CPNE3: variants seen among roughly 807,000 people sequenced by gnomAD.
CPNE3 encodes copine 3, also known as copine-3.
Under a neutral mutation model 63.9 loss-of-function variants are expected in CPNE3, and 68 were observed. The ratio of observed to expected loss-of-function variants is 1.06; its 90% CI spans 0.87 to 1.30. The LOEUF is 1.30. CPNE3 is among the 50% of genes most tolerant of loss of function. The pLI is 0.00. For missense variants in CPNE3, 665 were observed against 578.1 expected, an observed-to-expected ratio of 1.15 and a Z score of -1.54; for synonymous variants, 219 against 197.5, an observed-to-expected ratio of 1.11 and a Z score of -0.91.
At position 86,558,465 on chromosome 8, in the gene CPNE3, A is replaced by G. The variant is rs1212131322; in HGVS notation, c.*55A>G. On this transcript the variant is annotated 3_prime_UTR_variant, in exon 17 of 17. Transcript: ENST00000517490. ...TGGAGCAATGCCATCTCTCACCCCA[A>G]ATCGTGTATCTGTCATTCTACGTAC... 1.2e-6 allele frequency: 1 copy of G among 868,870 alleles called. No homozygotes were observed. Among genetic ancestry groups the G allele is most frequent in the African/African-American group, 1.6e-5 (1 of 61,220 alleles). The allele number at this position is 868,870 out of a possible 1,614,324, so 53.8% of individuals were successfully genotyped here.
intron 6 of CPNE3, among the ~76,000 whole-genome samples, chr8:86,537,157 C>T (rs772553630): frequency 2.6e-5 from 4 of 152,148 alleles, no homozygotes; most frequent in Non-Finnish European, 5.9e-5. Flanking sequence ...TCCATTTTCT[C>T]ACTGATAACT....
At chr8:86,518,828 AG>A (rs1286911298) in intron 2 of CPNE3, among the ~76,000 whole-genome samples, 2 of 152,068 alleles carry the variant, frequency 1.3e-5, no homozygotes, top group African/African-American at 4.8e-5. Context: ...GTTGGAGTGC[AG>A]TGGCATGATC....
In CPNE3 at chr8:86,558,817, G is replaced by T; in HGVS notation, c.*407G>T. The stretch of plus-strand genomic sequence containing the variant: ...CTGATTCACAGTGTATGTTGTATAA[G>T]CCAATGTCCATACCTGATTATGAGA... On this transcript the variant is annotated 3_prime_UTR_variant, in exon 17 of 17. Coordinates refer to ENST00000517490, the MANE Select transcript of CPNE3 (RefSeq NM_003909.5). The T allele has an allele frequency of 4.8e-6, 1 of 207,016 alleles. No individual in the cohort carries two copies. The highest frequency in any genetic ancestry group is 1.0e-5 in the Non-Finnish European group (1 of 99,990). The allele number at this position is 207,016 out of a possible 1,614,324, so 12.8% of individuals were successfully genotyped here. A position where few individuals can be genotyped will look rare whatever the true frequency, so the allele number is the denominator to read the frequency against.
intron 2 of CPNE3, among the ~76,000 whole-genome samples, chr8:86,522,502 G>A (rs1820455571): frequency 6.9e-6 from 1 of 145,538 alleles, no homozygotes; most frequent in Non-Finnish European, 1.5e-5. Context: ...ACTCTGAGGA[G>A]CATAGCAGCC....
At chr8:86,534,309 G>T (rs552294552) in intron 6 of CPNE3, among the ~76,000 whole-genome samples, 1 of 152,120 alleles carries the variant, frequency 6.6e-6, no homozygotes, top group African/African-American at 2.4e-5. Context: ...ACACTGACTT[G>T]TGTGTTTTCG....
chr8:86,550,419 T>C (rs1159942713), intron 12 of CPNE3, among the ~76,000 whole-genome samples: 1 of 152,104 alleles, frequency 6.6e-6, no homozygotes, highest in Non-Finnish European at 1.5e-5. Context: ...AGTGCAAAAC[T>C]AACTGTTAAG....
chr8:86,517,787 G>A (rs1385773758), intron 2 of CPNE3, among the ~76,000 whole-genome samples: 2 of 152,138 alleles, frequency 1.3e-5, no homozygotes, highest in African/African-American at 4.8e-5. Context: ...TGGGGATGGT[G>A]GCCTGCTTTG....
At chr8:86,548,884 TA>T (rs1446790445) in intron 12 of CPNE3, among the ~76,000 whole-genome samples, 10 of 152,066 alleles carry the variant, frequency 6.6e-5, no homozygotes, top group Admixed American at 2.0e-4. Flanking sequence ...TGTTAAGAAA[TA>T]AAAACTATTT....
At chr8:86,544,607 A>T (rs970758091) in intron 8 of CPNE3, 133 bp from the exon 9 acceptor site, 34 of 339,354 alleles carry the variant, frequency 1.0e-4, no homozygotes, top group Non-Finnish European at 1.6e-4. Context: ...TGTCCCAAGT[A>T]GGGACTGCAT....
At chr8:86,518,165 G>A (rs1820355251) in intron 2 of CPNE3, among the ~76,000 whole-genome samples, 1 of 152,142 alleles carries the variant, frequency 6.6e-6, no homozygotes, top group South Asian at 2.1e-4. Context: ...TGCCCATCTT[G>A]CCCAATTAAA....
chr8:86,554,803 G>A (rs2304790), intron 14 of CPNE3, 48 bp from the exon 15 acceptor site: 1,120,623 of 1,600,550 alleles, frequency 0.7, 402,277 homozygotes, highest in Non-Finnish European at 0.74. Flanking sequence ...TAAACACATT[G>A]TGCTTGAGAA....
intron 4 of CPNE3, among the ~76,000 whole-genome samples, chr8:86,530,289 C>T (rs1326294361): frequency 6.6e-5 from 10 of 151,866 alleles, no homozygotes; most frequent in Non-Finnish European, 1.3e-4. Flanking sequence ...CCCACCTCAG[C>T]CTCCCAAGTA....
chr8:86,533,766 A>G (rs1006162005), intron 6 of CPNE3, among the ~76,000 whole-genome samples: 4 of 152,052 alleles, frequency 2.6e-5, no homozygotes, highest in African/African-American at 7.2e-5. Context: ...TCATCCATCA[A>G]TATGTTGATG....
intron 8 of CPNE3, among the ~76,000 whole-genome samples, chr8:86,542,313 A>G (rs1820958728): frequency 6.6e-6 from 1 of 152,198 alleles, no homozygotes; most frequent in Admixed American, 6.5e-5. Context: ...CAGAATCCTC[A>G]GTAGTTTCTT....
At chr8:86,552,350 T>G (rs946795146) in intron 14 of CPNE3, among the ~76,000 whole-genome samples, 1 of 152,196 alleles carries the variant, frequency 6.6e-6, no homozygotes, top group Admixed American at 6.5e-5. Flanking sequence ...GCACTTTCAG[T>G]GACTGGTTGT....
At chr8:86,533,412 ATGTGCC>A (rs1294879896) in intron 6 of CPNE3, among the ~76,000 whole-genome samples, 1 of 150,794 alleles carries the variant, frequency 6.6e-6, no homozygotes, top group Non-Finnish European at 1.5e-5. Context: ...GTGTGGTGGC[ATGTGCC>A]TGTAATCCCA....
chr8:86,522,004 G>C (rs1172828148), intron 2 of CPNE3, among the ~76,000 whole-genome samples: 1 of 152,076 alleles, frequency 6.6e-6, no homozygotes, highest in Non-Finnish European at 1.5e-5. Flanking sequence ...CAGTTGTATG[G>C]AATTATTAAC....
chr8:86,532,872 A>T (rs1457293552), intron 6 of CPNE3, among the ~76,000 whole-genome samples: 4 of 152,196 alleles, frequency 2.6e-5, no homozygotes, highest in Non-Finnish European at 5.9e-5. Context: ...TATCTTTAGG[A>T]AAAAAGTGAA....
chr8:86,517,168 A>G (rs1033705729), intron 2 of CPNE3, among the ~76,000 whole-genome samples: 4 of 152,208 alleles, frequency 2.6e-5, no homozygotes, highest in Non-Finnish European at 4.4e-5. Flanking sequence ...TTCTTTTAAT[A>G]TAACAGCTTA....
Sources: gnomAD v4.1 joint callset for allele counts (sites outside exome capture counted in the v4.1 genomes callset) on GRCh38, gnomAD v4.1.1 for gene constraint, MANE v1.5 for transcripts, NCBI Gene and HGNC (gene_info 2026-07-23, HGNC 2026-07-21) for gene names.